Variants in SCN2A observed in about 807,000 individuals in gnomAD.
The protein encoded by SCN2A is sodium channel protein type 2 subunit alpha.
In SCN2A, 20 loss-of-function variants were observed where a neutral mutation model predicts 188.7. The ratio of observed to expected loss-of-function variants is 0.11; its 90% CI spans 0.07 to 0.15. The LOEUF (loss-of-function observed/expected upper bound fraction) is 0.15, where lower values mean the gene tolerates loss of function less well. Among genes scored for constraint, SCN2A ranks in the 10% least tolerant of loss-of-function variants. SCN2A has a pLI of 1.00. For missense variants in SCN2A, 1,278 were observed against 2,445.0 expected, an observed-to-expected ratio of 0.52 and a Z score of 10.07; for synonymous variants, 804 against 833.1, an observed-to-expected ratio of 0.97 and a Z score of 0.60.
chr2:165,322,477 A>C (rs960542282), intron 11 of SCN2A, among the ~76,000 whole-genome samples: 2 of 152,186 alleles, frequency 1.3e-5, no homozygotes, highest in Non-Finnish European at 1.5e-5. Flanking sequence ...CTCTTAGTGA[A>C]AATTAAGTTT....
At chr2:165,296,116 A>G in intron 2 of SCN2A, 26 bp downstream of exon 2, 2 of 1,607,102 alleles carry the variant, frequency 1.2e-6, no homozygotes, top group Non-Finnish European at 1.7e-6. Context: ...AGTTGCCTTC[A>G]CTGCCTATTT....
intron 15 of SCN2A, among the ~76,000 whole-genome samples, chr2:165,343,907 A>G (rs1460995718): frequency 1.3e-5 from 2 of 152,242 alleles, no homozygotes; most frequent in East Asian, 3.8e-4. Flanking sequence ...AGATTAAAAC[A>G]ATCTAAAGAC....
rs866291223 is a variant in SCN2A at position 165,308,060 on chromosome 2, C to G, written c.476+123C>G. 2.3e-5 allele frequency: 18 copies of G among 768,160 alleles called. 1 individual carries two copies. In the Middle Eastern group the frequency reaches 1.8e-3, roughly 77 times the overall value. The allele number at this position is 768,160 out of a possible 1,614,324, so 47.6% of individuals were successfully genotyped here. On this transcript the variant is annotated intron_variant, in intron 4 of 26. Transcript: ENST00000375437. Reference sequence around the variant, plus strand: ...AGCTACTGTTAACCAGACCCTGATTCAAATTCATTTCTGTCACTAAATGTC... The same window carrying G: ...AGCTACTGTTAACCAGACCCTGATTGAAATTCATTTCTGTCACTAAATGTC...
chr2:165,309,558 C>A, intron 6 of SCN2A, 115 bp downstream of exon 6: 1 of 1,238,736 alleles, frequency 8.1e-7, no homozygotes, highest in Non-Finnish European at 1.2e-6. Flanking sequence ...TGTAAAAAAG[C>A]AAGAATTGGT....
At chr2:165,369,648 C>T (rs890626290) in intron 19 of SCN2A, among the ~76,000 whole-genome samples, 3 of 152,182 alleles carry the variant, frequency 2.0e-5, no homozygotes, top group Admixed American at 6.5e-5. Flanking sequence ...AATTTCCAAA[C>T]GTACACCCAC....
intron 17 of SCN2A, among the ~76,000 whole-genome samples, chr2:165,360,145 A>G (rs1347055282): frequency 6.6e-6 from 1 of 151,960 alleles, no homozygotes; most frequent in Non-Finnish European, 1.5e-5. Context: ...TATATACAAT[A>G]TCTACTAATT....
At chr2:165,344,175 A>C (rs1381141042) in intron 15 of SCN2A, among the ~76,000 whole-genome samples, 1 of 152,214 alleles carries the variant, frequency 6.6e-6, no homozygotes, top group Non-Finnish European at 1.5e-5. Context: ...AATTTGGTGT[A>C]TCTTATTAAA....
At chr2:165,343,035 A>G (rs7580609) in intron 15 of SCN2A, among the ~76,000 whole-genome samples, 6,024 of 152,272 alleles carry the variant, frequency 0.04, 373 homozygotes, top group African/African-American at 0.13. Context: ...TAAAGAAAGT[A>G]TCTTTCTTTG....
chr2:165,358,986 A>G (rs1700316464), intron 17 of SCN2A, among the ~76,000 whole-genome samples: 1 of 152,136 alleles, frequency 6.6e-6, no homozygotes, highest in Non-Finnish European at 1.5e-5. Context: ...AGAAATGTTA[A>G]TTATTTTGTC....
intron 25 of SCN2A, among the ~76,000 whole-genome samples, chr2:165,382,693 A>C (rs1185492633): frequency 1.3e-5 from 2 of 152,150 alleles, no homozygotes; most frequent in Non-Finnish European, 1.5e-5. Context: ...ATATTTTGTG[A>C]AACTGTTGGT....
chr2:165,318,794 A>G (rs1281559895), intron 11 of SCN2A, among the ~76,000 whole-genome samples: 10 of 152,206 alleles, frequency 6.6e-5, no homozygotes, highest in Non-Finnish European at 1.5e-4. Context: ...AATGAGGAGC[A>G]GTATGTCACA....
At chr2:165,271,170 G>A (rs759727416) in intron 1 of SCN2A, 10 of 151,958 alleles carry the variant, frequency 6.6e-5, no homozygotes, top group Non-Finnish European at 1.2e-4. Flanking sequence ...TACTGGACTC[G>A]GTGTTATTAC....
In SCN2A at chr2:165,365,251, T is replaced by C; in HGVS notation, c.3508T>C (p.Cys1170Arg). 1 of 1,613,952 alleles carries C rather than the reference T, an allele frequency of 6.2e-7. No homozygotes were observed. Among genetic ancestry groups the C allele is most frequent in the Non-Finnish European group, 8.5e-7 (1 of 1,179,890 alleles). ...EPEESLEPEACFTEDCVRKFK... is the reference protein window; with the variant it reads ...EPEESLEPEARFTEDCVRKFK... The stretch of plus-strand genomic sequence containing the variant: ...TGAGGAATCCCTTGAACCTGAAGCC[T>C]GTTTTACAGAAGGTAAGCAAAACAA... Residue 1170 changes from cysteine (C) to arginine (R), a missense_variant, in exon 18 of 27, where the codon TGT (cysteine) becomes CGT (arginine). Cys to Arg is a radical substitution (Grantham distance 180). Transcript: ENST00000375437.
intron 1 of SCN2A, among the ~76,000 whole-genome samples, chr2:165,291,035 C>CTTTCTTTT (rs1559339507): frequency 1.1e-4 from 9 of 79,940 alleles, no homozygotes; most frequent in Admixed American, 1.9e-4. Context: ...TCTTTTCTTT[C>CTTTCTTTT]TTTTTTTTTT....
At chr2:165,292,942 T>G (rs1696297368) in intron 1 of SCN2A, among the ~76,000 whole-genome samples, 1 of 152,346 alleles carries the variant, frequency 6.6e-6, no homozygotes, top group African/African-American at 2.4e-5. Context: ...ACTATGATAT[T>G]AATTGAAAGC....
chr2:165,370,295 T>C lies in SCN2A; in HGVS notation c.3845T>C (p.Val1282Ala). The change falls in exon 20 of 27, where the codon GTT becomes GCT. Residue 1282 changes from valine (V) to alanine (A), a missense_variant. By Grantham distance (64) the Val-to-Ala change is moderately conservative. Around this residue, in one of 17 missense-constraint regions of SCN2A, gnomAD observed 39 missense variants for 130.2 expected, o/e 0.30. Coordinates refer to ENST00000375437, the MANE Select transcript of SCN2A (RefSeq NM_001040142.2). ...TGGTGCTGGCTAGACTTCCTGATTG[T>C]TGATGTGAGTATGCTGCACTTTGCT... Reference protein sequence around the residue: ...NAWCWLDFLIVDVSLVSLTAN... With the variant: ...NAWCWLDFLIADVSLVSLTAN... The C allele has an allele frequency of 6.2e-7, 1 of 1,614,138 alleles. No homozygotes were observed. The highest frequency in any genetic ancestry group is 2.2e-5 in the East Asian group (1 of 44,858).
At chr2:165,262,759 G>A (rs1038286329) in intron 1 of SCN2A, among the ~76,000 whole-genome samples, 50 of 152,122 alleles carry the variant, frequency 3.3e-4, no homozygotes, top group Admixed American at 3.0e-3. Flanking sequence ...CCTCTGGGTA[G>A]ATACTCAGTA....
intron 17 of SCN2A, among the ~76,000 whole-genome samples, chr2:165,361,646 G>C (rs1019830928): frequency 2.0e-5 from 3 of 152,002 alleles, no homozygotes; most frequent in African/African-American, 7.2e-5. Context: ...AAGTATTCAA[G>C]TAACACATGT....
In SCN2A at chr2:165,389,089, C is replaced by A. The variant is rs771537854; in HGVS notation, c.5283C>A (p.Ile1761=). The change falls in exon 27 of 27, where the codon ATC becomes ATA. Residue 1761 remains isoleucine (I), a synonymous_variant. Coordinates refer to ENST00000375437, the MANE Select transcript of SCN2A (RefSeq NM_001040142.2). The surrounding 1 kb of genome is among the most constrained non-coding windows in gnomAD (Gnocchi z 4.2). ...VGIFFFVSYI[I]ISFLVVVNMY... is the part of the protein sequence containing the mutation. ...TTTTCTTTTTTGTCAGTTACATCAT[C>A]ATATCCTTCCTGGTTGTGGTGAACA... The A allele has an allele frequency of 6.2e-7, 1 of 1,614,060 alleles. No individual in the cohort carries two copies. Among genetic ancestry groups the A allele is most frequent in the Non-Finnish European group, 8.5e-7 (1 of 1,179,990 alleles).
Sources: gnomAD v4.1 joint callset for allele counts (sites outside exome capture counted in the v4.1 genomes callset) on GRCh38, gnomAD v4.1.1 for gene constraint, gnomAD v4.1.1 regional missense constraint, Gnocchi (gnomAD v3.1) non-coding constraint, MANE v1.5 for transcripts, NCBI Gene and HGNC (gene_info 2026-07-23, HGNC 2026-07-21) for gene names.